Variants in MPP4 observed in about 807,000 individuals in gnomAD.
The protein encoded by MPP4 is MAGUK p55 subfamily member 4.
Under a neutral mutation model 98.3 loss-of-function variants are expected in MPP4, and 91 were observed. The ratio of observed to expected loss-of-function variants is 0.93; its 90% CI spans 0.78 to 1.10. MPP4 has a LOEUF of 1.10. Among genes scored for constraint, MPP4 ranks in the 50% least tolerant of loss-of-function variants. The probability of loss-of-function intolerance (pLI) is 0.00; values close to 1 mark genes in which losing one functional copy is unlikely to be tolerated. For missense variants in MPP4, 744 were observed against 792.9 expected, an observed-to-expected ratio of 0.94 and a Z score of 0.74; for synonymous variants, 261 against 271.8, an observed-to-expected ratio of 0.96 and a Z score of 0.39.
intron 20 of MPP4, 126 bp from the exon 21 acceptor site, chr2:201,647,951 G>A: frequency 1.1e-6 from 1 of 896,084 alleles, no homozygotes. Context: ...AGCTTCCCAG[G>A]CTCAAACGAT....
At chr2:201,659,498 C>G (rs1175336521) in intron 15 of MPP4, among the ~76,000 whole-genome samples, 4 of 152,176 alleles carry the variant, frequency 2.6e-5, no homozygotes, top group African/African-American at 9.7e-5. Flanking sequence ...TTACTTTTTA[C>G]TTAAGTTCCT....
chr2:201,691,368 C>T (rs939644061), intron 3 of MPP4, among the ~76,000 whole-genome samples: 1 of 152,056 alleles, frequency 6.6e-6, no homozygotes, highest in Non-Finnish European at 1.5e-5. Flanking sequence ...AAAAGGATCT[C>T]TCTTAATAAT....
chr2:201,658,629 G>T, intron 15 of MPP4, 111 bp from the exon 16 acceptor site: 1 of 854,250 alleles, frequency 1.2e-6, no homozygotes, highest in Non-Finnish European at 1.8e-6. Flanking sequence ...GTAGACGGCA[G>T]CAGAGTTGAA....
chr2:201,646,234 A>G (rs1687556516), intron 21 of MPP4, among the ~76,000 whole-genome samples: 1 of 152,214 alleles, frequency 6.6e-6, no homozygotes, highest in Non-Finnish European at 1.5e-5. Flanking sequence ...TTTAAATAAA[A>G]TTTAAACATA....
intron 18 of MPP4, among the ~76,000 whole-genome samples, chr2:201,654,477 G>C (rs997108336): frequency 2.0e-5 from 3 of 152,162 alleles, no homozygotes; most frequent in African/African-American, 7.2e-5. Context: ...TTGTGGGGTA[G>C]GGGGAGTGGG....
At chr2:201,660,038 G>T (rs1253550145) in intron 15 of MPP4, among the ~76,000 whole-genome samples, 1 of 151,868 alleles carries the variant, frequency 6.6e-6, no homozygotes, top group Non-Finnish European at 1.5e-5. Context: ...GTTTTCTTGG[G>T]GATACATTCA....
At chr2:201,691,908 C>T (rs2676326) in intron 3 of MPP4, among the ~76,000 whole-genome samples, 148,475 of 152,358 alleles carry the variant, frequency 0.97, 72,449 homozygotes, top group Middle Eastern at 1. Context: ...ATAGGAATAA[C>T]TTTTTAAAGC....
rs762568375 is a variant in MPP4, at chr2:201,692,889, C to T, written c.201+19G>A. Reference sequence around the variant, plus strand: ...AACCCCTTCAGCAAGCAAAGGCTTCCGAGCAAAGAAGCACTCACCTTTAGC... The same window carrying T: ...AACCCCTTCAGCAAGCAAAGGCTTCTGAGCAAAGAAGCACTCACCTTTAGC... On this transcript the variant is annotated intron_variant, in intron 3 of 21. Coordinates refer to ENST00000409474, the MANE Select transcript of MPP4 (RefSeq NM_033066.3). 8 of 1,602,208 alleles carry T rather than the reference C, an allele frequency of 5.0e-6. No homozygotes were observed. The highest frequency in any genetic ancestry group is 2.3e-5 in the South Asian group (2 of 88,374).
chr2:201,673,336 G>A (rs552850518), intron 11 of MPP4, among the ~76,000 whole-genome samples: 5 of 152,186 alleles, frequency 3.3e-5, no homozygotes, highest in East Asian at 1.9e-4. Context: ...ACCAAACACC[G>A]CATTTTCTCA....
At chr2:201,681,821 C>A (rs1167667160) in intron 8 of MPP4, among the ~76,000 whole-genome samples, 2 of 140,430 alleles carry the variant, frequency 1.4e-5, no homozygotes, top group Non-Finnish European at 3.0e-5. Flanking sequence ...CTTCCAGGGA[C>A]CCCCCCCCAC....
At chr2:201,677,372 C>A (rs1235652055) in intron 10 of MPP4, among the ~76,000 whole-genome samples, 1 of 152,214 alleles carries the variant, frequency 6.6e-6, no homozygotes, top group African/African-American at 2.4e-5. Flanking sequence ...CAACATCTAA[C>A]TCCCCCAATT....
chr2:201,655,881 G>A (rs183272879), intron 17 of MPP4, among the ~76,000 whole-genome samples: 208 of 152,022 alleles, frequency 1.4e-3, no homozygotes, highest in African/African-American at 4.8e-3. Context: ...TCTGTCTGGG[G>A]AAACACTCAT....
Position 201,664,102 on chromosome 2 carries a change from C to T in MPP4, c.1052-1G>A, listed in dbSNP as rs927738913. The T allele has an allele frequency of 1.1e-5, 16 of 1,504,716 alleles. No homozygotes were observed. Among genetic ancestry groups the T allele is most frequent in the Non-Finnish European group, 1.4e-5 (16 of 1,113,300 alleles). 93.2% of individuals were successfully genotyped at this position (1,504,716 alleles called of 1,614,324 possible). ...TTACCAGATTCAAATGTTTCTTCATCTATGATTTTTCATGGAGGCAAAAAT... is the reference window on the plus strand; with the variant it reads ...TTACCAGATTCAAATGTTTCTTCATTTATGATTTTTCATGGAGGCAAAAAT... On this transcript the variant is annotated splice_acceptor_variant, in intron 13 of 21. Transcript: ENST00000409474. LOFTEE classifies it high-confidence loss of function.
chr2:201,653,579 T>C (rs947956049), intron 18 of MPP4, among the ~76,000 whole-genome samples: 1 of 152,244 alleles, frequency 6.6e-6, no homozygotes, highest in African/African-American at 2.4e-5. Flanking sequence ...TTTAACTTTC[T>C]TTTACACATA....
At chr2:201,667,053 G>T (rs185076092) in intron 12 of MPP4, among the ~76,000 whole-genome samples, 2 of 152,294 alleles carry the variant, frequency 1.3e-5, no homozygotes, top group African/African-American at 4.8e-5. Flanking sequence ...TATAGGCTAG[G>T]ATTGAGAAAA....
At chr2:201,685,636 A>T (rs1320472879) in intron 6 of MPP4, among the ~76,000 whole-genome samples, 1 of 152,250 alleles carries the variant, frequency 6.6e-6, no homozygotes. Context: ...AAAGCCAAAT[A>T]TTAAAATAAA....
chr2:201,650,212 T>C, intron 18 of MPP4, 47 bp from the exon 19 acceptor site: 2 of 1,529,398 alleles, frequency 1.3e-6, no homozygotes, highest in Non-Finnish European at 1.8e-6. Flanking sequence ...CAGAATTCTT[T>C]GATTACCAAT....
rs1559593448 is a variant in MPP4 at position 201,645,165 on chromosome 2, G to T, written c.*45C>A. 1 of 1,495,566 alleles carries T rather than the reference G, an allele frequency of 6.7e-7. No homozygotes were observed. The highest frequency in any genetic ancestry group is 2.1e-5 in the Admixed American group (1 of 47,596). The allele number at this position is 1,495,566 out of a possible 1,614,324, so 92.6% of individuals were successfully genotyped here. A position where few individuals can be genotyped will look rare whatever the true frequency, so the allele number is the denominator to read the frequency against. On this transcript the variant is annotated 3_prime_UTR_variant, in exon 22 of 22. Transcript: ENST00000409474. ...TTTTAGATTGCAACTATGGATCGCT[G>T]TATCAAGGGTACAGTGTTAAAACTC... is the stretch of plus-strand genomic sequence containing the variant.
At chr2:201,651,332 G>C in intron 18 of MPP4, 1 of 985,348 alleles carries the variant, frequency 1.0e-6, no homozygotes. Flanking sequence ...GATCCTTAGA[G>C]TTCCTACAGT....
Sources: gnomAD v4.1 joint callset for allele counts (sites outside exome capture counted in the v4.1 genomes callset) on GRCh38, gnomAD v4.1.1 for gene constraint, MANE v1.5 for transcripts, NCBI Gene and HGNC (gene_info 2026-07-23, HGNC 2026-07-21) for gene names.